The following OPN3 variants were observed in gnomAD, a reference collection of about 807,000 sequenced individuals.
The protein encoded by OPN3 is opsin 3.
In OPN3, 29 loss-of-function variants were observed where a neutral mutation model predicts 33.8. The ratio of observed to expected loss-of-function variants is 0.86; its 90% confidence interval spans 0.64 to 1.17. The LOEUF (loss-of-function observed/expected upper bound fraction) is 1.17, where lower values mean the gene tolerates loss of function less well. Ranked by LOEUF, OPN3 falls within the 50% of genes most tolerant of loss-of-function variation. The pLI, the probability that OPN3 is intolerant of heterozygous loss-of-function variation, is 0.00. For missense variants in OPN3, 437 were observed against 514.1 expected (o/e 0.85, Z 1.45); for synonymous variants, 216 against 216.1 (o/e 1.00, Z 0.00).
chr1:241,598,922 T>G (rs1663610164), intron 2 of OPN3, among the ~76,000 whole-genome samples: 1 of 152,218 alleles, frequency 6.6e-6, no homozygotes, highest in Non-Finnish European at 1.5e-5. Context: ...TACTTAGTAT[T>G]GATTACTTTA....
chr1:241,634,652 T>C (rs1212461082), intron 1 of OPN3: 16 of 1,613,974 alleles, frequency 9.9e-6, no homozygotes, highest in Non-Finnish European at 1.3e-5. Context: ...AAAGGGGGTG[T>C]TGCCAAACCG....
At chr1:241,613,004 T>C (rs1664037526) in intron 1 of OPN3, among the ~76,000 whole-genome samples, 7 of 152,364 alleles carry the variant, frequency 4.6e-5, no homozygotes, top group Middle Eastern at 3.4e-3. Context: ...ACCATCCTGT[T>C]GCTCCTATAA....
At chr1:241,611,450 C>A (rs958066093) in intron 1 of OPN3, among the ~76,000 whole-genome samples, 1 of 148,806 alleles carries the variant, frequency 6.7e-6, no homozygotes, top group Non-Finnish European at 1.5e-5. Flanking sequence ...GAAGCAGGTA[C>A]CACCTGAGTG....
At chr1:241,618,669 G>A (rs1664198195) in intron 1 of OPN3, among the ~76,000 whole-genome samples, 1 of 152,082 alleles carries the variant, frequency 6.6e-6, no homozygotes, top group African/African-American at 2.4e-5. Context: ...GACCTCCATC[G>A]TTTTCAGCAG....
rs1180886128 is a variant in OPN3 at position 241,640,362 on chromosome 1, T to C, written c.-108A>G. 1 of 1,031,540 alleles carries C rather than the reference T, an allele frequency of 9.7e-7. No homozygotes were observed. Among genetic ancestry groups the C allele is most frequent in the African/African-American group, 1.7e-5 (1 of 58,166 alleles). 63.9% of individuals were successfully genotyped at this position (1,031,540 alleles called of 1,614,324 possible). ...GGGCTCCGCCGCCTGCTCTAGCCAT[T>C]GTGCACTGAGGGGCCCGCGCTACCG... On this transcript the variant is annotated 5_prime_UTR_variant, in exon 1 of 4. Coordinates refer to ENST00000366554, the MANE Select transcript of OPN3 (RefSeq NM_014322.3).
At chr1:241,631,569 A>C (rs749541211) in intron 1 of OPN3, 1 of 152,134 alleles carries the variant, frequency 6.6e-6, no homozygotes, top group Non-Finnish European at 1.5e-5. Context: ...CAATTACTTA[A>C]ATCTGTCTAG....
intron 1 of OPN3, among the ~76,000 whole-genome samples, chr1:241,607,642 A>G (rs1182322759): frequency 6.6e-6 from 1 of 150,952 alleles, no homozygotes; most frequent in Non-Finnish European, 1.5e-5. Context: ...AAAAGGAAGA[A>G]AGAAGAAAGA....
chr1:241,634,926 C>T, intron 1 of OPN3: 1 of 1,612,622 alleles, frequency 6.2e-7, no homozygotes, highest in Non-Finnish European at 8.5e-7. Flanking sequence ...AAGACATCTG[C>T]TCTGGAACAA....
intron 1 of OPN3, chr1:241,635,904 A>G (rs1664880138): frequency 5.1e-6 from 4 of 777,992 alleles, no homozygotes; most frequent in South Asian, 2.0e-5. Context: ...TTTAACGGTT[A>G]CCCTTTTAAA....
At chr1:241,616,797 G>T (rs925135449) in intron 1 of OPN3, among the ~76,000 whole-genome samples, 7 of 151,978 alleles carry the variant, frequency 4.6e-5, no homozygotes, top group Non-Finnish European at 8.8e-5. Context: ...TTCCCTCAGG[G>T]AACTAGCAAT....
At chr1:241,627,025 TTAAA>T (rs903605486) in intron 1 of OPN3, among the ~76,000 whole-genome samples, 10 of 149,352 alleles carry the variant, frequency 6.7e-5, no homozygotes, top group African/African-American at 2.1e-4. Context: ...TGCCTTAATA[TTAAA>T]TAGTTGTCCA....
intron 3 of OPN3, chr1:241,595,079 A>G (rs1287628706): frequency 6.2e-6 from 1 of 161,308 alleles, no homozygotes; most frequent in African/African-American, 2.4e-5. Flanking sequence ...ATAAGCATCA[A>G]AAACAGATAA....
In OPN3 at chr1:241,604,665, C is replaced by T. The variant is rs555622977; in HGVS notation, c.374-86G>A. On this transcript the variant is annotated intron_variant, in intron 1 of 3. Transcript: ENST00000366554. ...CGTGATACATTCTCCACTGGAAATA[C>T]CTTACAGAGTATCTGAGATCGATAG... The T allele has an allele frequency of 4.2e-6, 5 of 1,199,870 alleles. No homozygotes were observed. The African/African-American group carries it at 6.1e-5, about 15-fold the overall frequency. The allele number at this position is 1,199,870 out of a possible 1,614,324, so 74.3% of individuals were successfully genotyped here.
intron 1 of OPN3, chr1:241,629,378 T>C (rs1573964922): frequency 6.6e-6 from 1 of 152,172 alleles, no homozygotes; most frequent in Admixed American, 6.5e-5. Flanking sequence ...GTTTTGCTAA[T>C]ACAATAGCAT....
chr1:241,613,660 ATGAG>A (rs1664053000), intron 1 of OPN3, among the ~76,000 whole-genome samples: 1 of 152,228 alleles, frequency 6.6e-6, no homozygotes, highest in African/African-American at 2.4e-5. Context: ...AGCTGTTAGA[ATGAG>A]TGATTTCCAT....
intron 1 of OPN3, among the ~76,000 whole-genome samples, chr1:241,607,926 C>A (rs1663886073): frequency 6.6e-6 from 1 of 152,088 alleles, no homozygotes; most frequent in Non-Finnish European, 1.5e-5. Flanking sequence ...ATTCAGAAGT[C>A]TATTTTTACC....
At chr1:241,611,728 G>A (rs1024038341) in intron 1 of OPN3, among the ~76,000 whole-genome samples, 1 of 152,164 alleles carries the variant, frequency 6.6e-6, no homozygotes, top group African/African-American at 2.4e-5. Context: ...AATGTGTCCC[G>A]AGGGCTCTGA....
At chr1:241,635,392 CA>C in intron 1 of OPN3, 1 of 1,614,032 alleles carries the variant, frequency 6.2e-7, no homozygotes, top group African/African-American at 1.3e-5. Context: ...TAGACACCCC[CA>C]AAGAAGGATT....
At chr1:241,614,315 G>A (rs1664068138) in intron 1 of OPN3, among the ~76,000 whole-genome samples, 1 of 146,346 alleles carries the variant, frequency 6.8e-6, no homozygotes, top group Admixed American at 6.6e-5. Context: ...TACCAGAAGA[G>A]AACGATTGAA....
Sources: gnomAD v4.1 joint callset for allele counts (sites outside exome capture counted in the v4.1 genomes callset) on GRCh38, gnomAD v4.1.1 for gene constraint, MANE v1.5 for transcripts, NCBI Gene and HGNC (gene_info 2026-07-23, HGNC 2026-07-21) for gene names.